ZNF710: variants seen among roughly 807,000 people sequenced by gnomAD.
ZNF710 encodes the protein zinc finger protein 710.
A neutral mutation model predicts 50.6 loss-of-function variants in ZNF710; 13 were observed. The ratio of observed to expected loss-of-function variants is 0.26; its 90% CI spans 0.17 to 0.41. The LOEUF (loss-of-function observed/expected upper bound fraction) is 0.41, where lower values mean the gene tolerates loss of function less well. Among genes scored for constraint, ZNF710 ranks in the 10% least tolerant of loss-of-function variants. ZNF710 has a pLI of 1.00. For synonymous variants in ZNF710, 383 were observed against 397.0 expected (o/e 0.96, Z 0.42); for missense variants, 721 against 936.6 (o/e 0.77, Z 3.01).
chr15:90,023,129 C>A (rs1898671211), intron 1 of ZNF710, among the ~76,000 whole-genome samples: 1 of 152,106 alleles, frequency 6.6e-6, no homozygotes, highest in Non-Finnish European at 1.5e-5. Flanking sequence ...TGGCTGCTTT[C>A]CCAAGGCCTC....
At chr15:90,014,510 C>G (rs976804006) in intron 1 of ZNF710, among the ~76,000 whole-genome samples, 2 of 129,240 alleles carry the variant, frequency 1.5e-5, no homozygotes, top group African/African-American at 6.1e-5. Flanking sequence ...GACCCTATCT[C>G]TTAAAAAAAA....
chr15:90,026,272 A>C lies in ZNF710; in HGVS notation c.-29+24658A>C, dbSNP rs200720617. ...AACAAAACAACAACAACAACAACAA[A>C]AAAAAAAAAGGGAATGAGAAAGGGG... On this transcript the variant is annotated intron_variant, in intron 1 of 4. Transcript: ENST00000268154. 1.5e-3 allele frequency among the ~76,000 whole-genome samples: 229 copies of C among 151,092 alleles called. 3 individuals carry two copies. The East Asian group carries it at 0.016, about 11-fold the overall frequency.
At chr15:90,014,458 G>T (rs1023551209) in intron 1 of ZNF710, among the ~76,000 whole-genome samples, 11 of 149,076 alleles carry the variant, frequency 7.4e-5, no homozygotes, top group Admixed American at 5.4e-4. Context: ...GGGAGGATCA[G>T]TTGTACCCGG....
chr15:90,074,591 G>A, intron 4 of ZNF710: 2 of 1,198,060 alleles, frequency 1.7e-6, no homozygotes, highest in Non-Finnish European at 1.1e-6. Context: ...CTCAAAGCGA[G>A]GTTGGCTCTG....
At chr15:90,014,758 A>G (rs1898405002) in intron 1 of ZNF710, among the ~76,000 whole-genome samples, 1 of 152,144 alleles carries the variant, frequency 6.6e-6, no homozygotes, top group African/African-American at 2.4e-5. Context: ...AGAATCCATC[A>G]TAAAATCAAA....
chr15:90,004,246 T>G (rs1401983472), intron 1 of ZNF710, among the ~76,000 whole-genome samples: 4 of 152,210 alleles, frequency 2.6e-5, no homozygotes, highest in Non-Finnish European at 5.9e-5. Flanking sequence ...GATTTTGCAC[T>G]TCTATTTTAG....
At chr15:90,041,210 T>C (rs1299909267) in intron 1 of ZNF710, among the ~76,000 whole-genome samples, 1 of 152,124 alleles carries the variant, frequency 6.6e-6, no homozygotes, top group African/African-American at 2.4e-5. Flanking sequence ...GTCTGTTTGG[T>C]TGGTTTTTAG....
chr15:90,065,518 G>C (rs1345200252), intron 1 of ZNF710, among the ~76,000 whole-genome samples: 1 of 152,232 alleles, frequency 6.6e-6, no homozygotes, highest in Admixed American at 6.5e-5. Flanking sequence ...GATGGCTCCA[G>C]GAGCAGGTGG....
At chr15:90,035,280 G>A (rs757647869) in intron 1 of ZNF710, among the ~76,000 whole-genome samples, 19 of 152,228 alleles carry the variant, frequency 1.2e-4, no homozygotes, top group African/African-American at 2.9e-4. Flanking sequence ...GCTGCTGGGC[G>A]TCACTGACTT....
Position 90,062,440 on chromosome 15 carries a change from G to T in ZNF710, c.-28-4670G>T, listed in dbSNP as rs1321269232. Among the ~76,000 whole-genome samples, 2 of 152,166 alleles carry T rather than the reference G, an allele frequency of 1.3e-5. No homozygotes were observed. Among genetic ancestry groups the T allele is most frequent in the Non-Finnish European group, 2.9e-5 (2 of 68,026 alleles). On this transcript the variant is annotated intron_variant, in intron 1 of 4. Coordinates refer to ENST00000268154, the MANE Select transcript of ZNF710 (RefSeq NM_198526.4). The surrounding 1 kb of genome is among the most constrained non-coding windows in gnomAD (Gnocchi z 5.6). Reference sequence around the variant, plus strand: ...CTGAGCTCCCCTTTCTCCTGGACATGGGGGGAGCTTTTGTTCTGAGTCCTT... The same window carrying T: ...CTGAGCTCCCCTTTCTCCTGGACATTGGGGGAGCTTTTGTTCTGAGTCCTT...
chr15:90,053,725 G>A (rs1899718360), intron 1 of ZNF710, among the ~76,000 whole-genome samples: 1 of 152,164 alleles, frequency 6.6e-6, no homozygotes, highest in South Asian at 2.1e-4. Flanking sequence ...GCTTCATCCT[G>A]ATGTGGGTGC....
At chr15:90,048,218 C>T (rs997423839) in intron 1 of ZNF710, among the ~76,000 whole-genome samples, 1 of 152,218 alleles carries the variant, frequency 6.6e-6, no homozygotes, top group Non-Finnish European at 1.5e-5. Flanking sequence ...GACTTCATGC[C>T]TGGGAAAGCT....
At chr15:90,015,954 C>G (rs1278288254) in intron 1 of ZNF710, among the ~76,000 whole-genome samples, 2 of 152,036 alleles carry the variant, frequency 1.3e-5, no homozygotes, top group Admixed American at 6.6e-5. Flanking sequence ...ATGGACACGC[C>G]CTATGTACCA....
intron 1 of ZNF710, among the ~76,000 whole-genome samples, chr15:90,058,724 C>T (rs796802331): frequency 0.05 from 6,754 of 134,000 alleles, 715 homozygotes; most frequent in African/African-American, 0.23. Flanking sequence ...TATATACACA[C>T]ATATACACAC....
chr15:90,001,532 G>A lies in ZNF710; in HGVS notation c.-111G>A, dbSNP rs1179257232. ...GCGGCGGGCGCACAGCAGCAGCCCG[G>A]GCGGTGGGCAGCCAGGAGCCCCCGG... On this transcript the variant is annotated 5_prime_UTR_variant, in exon 1 of 5. Coordinates refer to ENST00000268154, the MANE Select transcript of ZNF710 (RefSeq NM_198526.4). 1 of 148,066 alleles carries A rather than the reference G, an allele frequency of 6.8e-6. No individual in the cohort carries two copies. The highest frequency in any genetic ancestry group is 1.5e-5 in the Non-Finnish European group (1 of 66,480). The allele number at this position is 148,066 out of a possible 1,614,324, so 9.2% of individuals were successfully genotyped here.
chr15:90,066,745 T>C (rs1900181735), intron 1 of ZNF710, among the ~76,000 whole-genome samples: 1 of 152,196 alleles, frequency 6.6e-6, no homozygotes, highest in Non-Finnish European at 1.5e-5. Context: ...CCCAAAGTGC[T>C]GGGATTACAG....
At chr15:90,013,853 A>C (rs1308049611) in intron 1 of ZNF710, among the ~76,000 whole-genome samples, 1 of 152,094 alleles carries the variant, frequency 6.6e-6, no homozygotes, top group Non-Finnish European at 1.5e-5. Flanking sequence ...GTCTTTCCAC[A>C]TTCACAGCGT....
chr15:90,050,234 T>C (rs890657497), intron 1 of ZNF710, among the ~76,000 whole-genome samples: 3 of 152,180 alleles, frequency 2.0e-5, no homozygotes, highest in Non-Finnish European at 4.4e-5. Flanking sequence ...TTGATTACAG[T>C]AGTGGCTTCG....
Position 90,062,682 on chromosome 15 carries a change from C to T in ZNF710, c.-28-4428C>T, listed in dbSNP as rs1900046596. ...ATGGAACAGAGCGGGTGAGGAGACACGAGGCACAATGCTGGCCCAGGAGGA... is the reference window on the plus strand; with the variant it reads ...ATGGAACAGAGCGGGTGAGGAGACATGAGGCACAATGCTGGCCCAGGAGGA... On this transcript the variant is annotated intron_variant, in intron 1 of 4. Coordinates refer to ENST00000268154, the MANE Select transcript of ZNF710 (RefSeq NM_198526.4). The surrounding 1 kb of genome is among the most constrained non-coding windows in gnomAD (Gnocchi z 5.6). 2.0e-5 allele frequency among the ~76,000 whole-genome samples: 3 copies of T among 152,126 alleles called. No individual in the cohort carries two copies. In the South Asian group the frequency reaches 6.2e-4, roughly 32 times the overall value.
Sources: allele counts gnomAD v4.1 joint callset (sites outside exome capture counted in the v4.1 genomes callset), GRCh38; gene constraint gnomAD v4.1.1; non-coding constraint Gnocchi (gnomAD v3.1); transcripts MANE v1.5; gene names NCBI Gene and HGNC (gene_info 2026-07-23, HGNC 2026-07-21).